ADGRB3: variants seen among roughly 807,000 people sequenced by gnomAD.
ADGRB3 encodes the protein brain-specific angiogenesis inhibitor 3.
A neutral mutation model predicts 193.4 loss-of-function variants in ADGRB3; 37 were observed. The observed-to-expected ratio is 0.19, with a 90% confidence interval of 0.15 to 0.25. The LOEUF (loss-of-function observed/expected upper bound fraction) is 0.25. ADGRB3 is among the 10% of genes least tolerant of loss of function. The pLI, the probability that ADGRB3 is intolerant of heterozygous loss-of-function variation, is 1.00. For missense variants in ADGRB3, 1,637 were observed against 1,852.9 expected (o/e 0.88, Z 2.14); for synonymous variants, 690 against 644.2 (o/e 1.07, Z -1.08).
At chr6:68,889,729 C>T (rs1438190262) in intron 3 of ADGRB3, among the ~76,000 whole-genome samples, 1 of 151,996 alleles carries the variant, frequency 6.6e-6, no homozygotes, top group African/African-American at 2.4e-5. Flanking sequence ...TTCTCGATCT[C>T]CTGACCTCGT....
At chr6:69,197,300 G>A (rs1421308141) in intron 17 of ADGRB3, among the ~76,000 whole-genome samples, 1 of 151,890 alleles carries the variant, frequency 6.6e-6, no homozygotes, top group African/African-American at 2.4e-5. Flanking sequence ...ACAAATGTAT[G>A]TATTTTATAT....
chr6:69,254,939 T>C (rs1368317667), intron 20 of ADGRB3, among the ~76,000 whole-genome samples: 1 of 147,558 alleles, frequency 6.8e-6, no homozygotes, highest in African/African-American at 2.5e-5. Flanking sequence ...TTCCCACCTA[T>C]GAGTGAGAAC....
chr6:69,189,855 C>T (rs1765149919), intron 17 of ADGRB3, among the ~76,000 whole-genome samples: 1 of 152,092 alleles, frequency 6.6e-6, no homozygotes, highest in Non-Finnish European at 1.5e-5. Flanking sequence ...TTATGCCCAG[C>T]ATAACGTTGT....
chr6:69,074,792 T>A (rs940660105), intron 16 of ADGRB3, among the ~76,000 whole-genome samples: 2 of 151,998 alleles, frequency 1.3e-5, no homozygotes, highest in African/African-American at 2.4e-5. Flanking sequence ...TGATCTGCCC[T>A]CCTTGGCCTC....
intron 30 of ADGRB3, among the ~76,000 whole-genome samples, chr6:69,375,081 A>G (rs1409104839): frequency 2.0e-5 from 3 of 152,134 alleles, no homozygotes; most frequent in Admixed American, 6.6e-5. Context: ...ACAGGTGTCT[A>G]TGGAAGAAGA....
intron 17 of ADGRB3, among the ~76,000 whole-genome samples, chr6:69,122,380 G>C (rs1281090516): frequency 6.7e-6 from 1 of 149,480 alleles, no homozygotes; most frequent in African/African-American, 2.5e-5. Flanking sequence ...GCCCGGGGCA[G>C]GGAGGCTGCA....
At chr6:68,826,019 C>A (rs1346908356) in intron 3 of ADGRB3, among the ~76,000 whole-genome samples, 1 of 149,064 alleles carries the variant, frequency 6.7e-6, no homozygotes, top group South Asian at 2.1e-4. Flanking sequence ...GAAAATATTT[C>A]TTTTGAATAA....
intron 13 of ADGRB3, among the ~76,000 whole-genome samples, chr6:69,037,794 A>G (rs577458103): frequency 3.9e-5 from 6 of 152,134 alleles, no homozygotes; most frequent in East Asian, 3.9e-4. Context: ...CAATATCTTC[A>G]TAGCTTCCCA....
intron 16 of ADGRB3, among the ~76,000 whole-genome samples, chr6:69,075,470 C>T (rs1011947286): frequency 6.6e-6 from 1 of 152,108 alleles, no homozygotes; most frequent in African/African-American, 2.4e-5. Flanking sequence ...TTATCCTATA[C>T]AACCATGATA....
At position 69,355,875 on chromosome 6, in the gene ADGRB3, A is replaced by G; in HGVS notation, c.3595+15A>G. On this transcript the variant is annotated intron_variant, in intron 28 of 31. Coordinates refer to ENST00000370598, the MANE Select transcript of ADGRB3 (RefSeq NM_001704.3). ...CTGTCGATCAGGTAAGAATATTTAG[A>G]TTTTGAAATCTAATCAGTAGGGATG... The G allele has an allele frequency of 6.3e-7, 1 of 1,590,374 alleles. No individual in the cohort carries two copies. Among genetic ancestry groups the G allele is most frequent in the Non-Finnish European group, 8.6e-7 (1 of 1,160,178 alleles).
At position 69,142,531 on chromosome 6, in the gene ADGRB3, G is replaced by T. The variant is rs183261854; in HGVS notation, c.2480+66493G>T. Among the ~76,000 whole-genome samples the T allele has an allele frequency of 3.9e-4, 59 of 152,280 alleles. No homozygotes were observed. The East Asian group carries it at 6.6e-3, about 17-fold the overall frequency. On this transcript the variant is annotated intron_variant, in intron 17 of 31. Transcript: ENST00000370598. ...AGGTGCAGAATACATCCCACACCCT[G>T]ACCAGCTGTCTTGCAAATTCATGTT...
intron 10 of ADGRB3, among the ~76,000 whole-genome samples, chr6:68,984,194 A>G (rs1320969839): frequency 6.6e-6 from 1 of 152,174 alleles, no homozygotes; most frequent in Non-Finnish European, 1.5e-5. Context: ...AGAGGGTCAT[A>G]TGAGGTTTCT....
chr6:69,248,522 T>A (rs996425359), intron 20 of ADGRB3, among the ~76,000 whole-genome samples: 1 of 152,190 alleles, frequency 6.6e-6, no homozygotes, highest in Non-Finnish European at 1.5e-5. Flanking sequence ...ATTGGAATGG[T>A]GTGAAGACTG....
At chr6:68,683,718 A>ATTAGATTGTGTGATT (rs1764935962) in intron 3 of ADGRB3, among the ~76,000 whole-genome samples, 3 of 152,150 alleles carry the variant, frequency 2.0e-5, no homozygotes, top group Admixed American at 6.6e-5. Flanking sequence ...GGACTAATGG[A>ATTAGATTGTGTGATT]AGATTGTGAG....
chr6:69,242,829 A>G (rs1027445225), intron 20 of ADGRB3, among the ~76,000 whole-genome samples: 2 of 151,902 alleles, frequency 1.3e-5, no homozygotes, highest in Admixed American at 1.3e-4. Context: ...ACTTTCAACC[A>G]GGATGTCTTT....
chr6:69,254,248 C>T (rs1655160411), intron 20 of ADGRB3, among the ~76,000 whole-genome samples: 1 of 152,136 alleles, frequency 6.6e-6, no homozygotes, highest in African/African-American at 2.4e-5. Flanking sequence ...TTTTAAACTG[C>T]TCAGCATCAA....
intron 3 of ADGRB3, among the ~76,000 whole-genome samples, chr6:68,927,371 C>T (rs997061730): frequency 2.0e-5 from 3 of 152,066 alleles, no homozygotes; most frequent in African/African-American, 7.2e-5. Context: ...GCCTACTATG[C>T]TAAAAGTTTA....
intron 17 of ADGRB3, among the ~76,000 whole-genome samples, chr6:69,095,570 G>A (rs1422397100): frequency 6.6e-6 from 1 of 152,196 alleles, no homozygotes; most frequent in East Asian, 1.9e-4. Flanking sequence ...AAAAGCTGGG[G>A]TTTAGCAATG....
At chr6:69,094,547 A>T (rs1772813971) in intron 17 of ADGRB3, among the ~76,000 whole-genome samples, 1 of 152,192 alleles carries the variant, frequency 6.6e-6, no homozygotes, top group African/African-American at 2.4e-5. Context: ...AGGATGAAAG[A>T]TTGAATTATT....
Sources: gnomAD v4.1 joint callset for allele counts (sites outside exome capture counted in the v4.1 genomes callset) on GRCh38, gnomAD v4.1.1 for gene constraint, MANE v1.5 for transcripts, NCBI Gene and HGNC (gene_info 2026-07-23, HGNC 2026-07-21) for gene names.